MLLT10: variants seen among roughly 807,000 people sequenced by gnomAD.
MLLT10 encodes protein AF-10.
Under a neutral mutation model 129.1 loss-of-function variants are expected in MLLT10, and 30 were observed. That is an observed-to-expected ratio of 0.23 (90% confidence interval 0.17 to 0.32). The LOEUF (loss-of-function observed/expected upper bound fraction) is 0.32, where lower values mean the gene tolerates loss of function less well. Among genes scored for constraint, MLLT10 ranks in the 10% least tolerant of loss-of-function variants. The pLI is 1.00. For synonymous variants in MLLT10, 490 were observed against 446.4 expected (o/e 1.10, Z -1.23); for missense variants, 1,119 against 1,268.3 (o/e 0.88, Z 1.79).
At chr10:21,704,355 C>A (rs866235896) in intron 13 of MLLT10, among the ~76,000 whole-genome samples, 52 of 70,422 alleles carry the variant, frequency 7.4e-4, no homozygotes, top group African/African-American at 1.8e-3. Context: ...CTCTCTCTCT[C>A]TCTATATATA....
intron 9 of MLLT10, among the ~76,000 whole-genome samples, chr10:21,653,107 A>G (rs2049212643): frequency 6.6e-6 from 1 of 152,190 alleles, no homozygotes; most frequent in Non-Finnish European, 1.5e-5. Flanking sequence ...TTACTACAGT[A>G]TACCAGTTTA....
chr10:21,627,795 T>C (rs2046601569), intron 8 of MLLT10, among the ~76,000 whole-genome samples: 1 of 152,114 alleles, frequency 6.6e-6, no homozygotes, highest in Admixed American at 6.5e-5. Context: ...TTTTTTTTGG[T>C]CAACAGTCTT....
rs149104249 is a variant in MLLT10, at chr10:21,611,673, C to T, written c.406-675C>T. ...TTTGAGCTGTGAAAAGTTAATATTG[C>T]GTATTAGTTACTTGCACATGGAAAA... is the stretch of plus-strand genomic sequence containing the variant. On this transcript the variant is annotated intron_variant, in intron 5 of 22. Transcript: ENST00000307729. Among the ~76,000 whole-genome samples, 765 of 152,008 alleles carry T rather than the reference C, an allele frequency of 5.0e-3. 2 individuals are homozygous for T. The highest frequency in any genetic ancestry group is 7.1e-3 in the South Asian group (34 of 4,790).
intron 8 of MLLT10, among the ~76,000 whole-genome samples, chr10:21,643,214 G>T (rs2048184182): frequency 2.0e-5 from 3 of 152,098 alleles, no homozygotes; most frequent in Non-Finnish European, 2.9e-5. Context: ...AGTATTTTTA[G>T]TAGAGATGGG....
intron 5 of MLLT10, among the ~76,000 whole-genome samples, chr10:21,600,637 T>C (rs1269677774): frequency 6.6e-6 from 1 of 152,234 alleles, no homozygotes; most frequent in Non-Finnish European, 1.5e-5. Flanking sequence ...CTTGACACTT[T>C]ATACTAGTTA....
chr10:21,665,136 G>C (rs1243854725), intron 9 of MLLT10, among the ~76,000 whole-genome samples: 1 of 151,690 alleles, frequency 6.6e-6, no homozygotes, highest in Non-Finnish European at 1.5e-5. Flanking sequence ...AGTAGAGACG[G>C]GGTTTCACCA....
At chr10:21,558,013 G>A (rs1481806272) in intron 3 of MLLT10, among the ~76,000 whole-genome samples, 3 of 141,124 alleles carry the variant, frequency 2.1e-5, no homozygotes, top group African/African-American at 8.0e-5. Context: ...ACAGTGGTGC[G>A]ATCTGGGCTC....
intron 4 of MLLT10, among the ~76,000 whole-genome samples, chr10:21,587,050 A>G (rs1248006166): frequency 3.3e-5 from 5 of 150,440 alleles, no homozygotes; most frequent in African/African-American, 1.2e-4. Context: ...TGATGTTTCT[A>G]GTGAATGTTA....
At chr10:21,618,924 A>G (rs2045533987) in intron 8 of MLLT10, among the ~76,000 whole-genome samples, 1 of 151,984 alleles carries the variant, frequency 6.6e-6, no homozygotes, top group South Asian at 2.1e-4. Context: ...TAGTAGAGAC[A>G]GGGTTTCACT....
intron 5 of MLLT10, among the ~76,000 whole-genome samples, chr10:21,602,356 A>AT (rs142663738): frequency 0.043 from 6,561 of 151,100 alleles, 457 homozygotes; most frequent in African/African-American, 0.15. Context: ...AAATTTATTT[A>AT]TTTTTTTTTG....
intron 9 of MLLT10, among the ~76,000 whole-genome samples, chr10:21,655,257 T>C (rs1047264204): frequency 4.6e-5 from 7 of 152,080 alleles, no homozygotes; most frequent in African/African-American, 1.7e-4. Flanking sequence ...AAAATAACAG[T>C]AGTGTTGAAG....
chr10:21,572,134 A>G (rs1007032742), intron 3 of MLLT10: 2 of 152,166 alleles, frequency 1.3e-5, no homozygotes, highest in African/African-American at 2.4e-5. Context: ...GCATATGGCT[A>G]TCCAGTTGTT....
chr10:21,689,565 GTATATATATA>G (rs71393919), intron 13 of MLLT10, among the ~76,000 whole-genome samples: 4 of 113,456 alleles, frequency 3.5e-5, no homozygotes, highest in East Asian at 2.7e-4. Flanking sequence ...ATATATATAT[GTATATATATA>G]TATATATATA....
At chr10:21,586,907 T>A (rs1265869055) in intron 4 of MLLT10, among the ~76,000 whole-genome samples, 1 of 151,972 alleles carries the variant, frequency 6.6e-6, no homozygotes, top group African/African-American at 2.4e-5. Context: ...GTATTTTTTT[T>A]AAATGGATAT....
In MLLT10 at chr10:21,713,756, A is replaced by G. The variant is rs201822340; in HGVS notation, c.1700-16A>G. The G allele has an allele frequency of 1.6e-4, 253 of 1,600,024 alleles. No individual in the cohort carries two copies. The highest frequency in any genetic ancestry group is 3.4e-4 in the Middle Eastern group (2 of 5,816). On this transcript the variant is annotated splice_polypyrimidine_tract_variant and intron_variant, in intron 13 of 22. Coordinates refer to ENST00000307729, the MANE Select transcript of MLLT10 (RefSeq NM_001195626.3). ...GACTGCTAAGTTATATTTAAATAAC[A>G]TTTGTTTTTTTGCAGGTATTTATAA...
intron 8 of MLLT10, among the ~76,000 whole-genome samples, chr10:21,628,284 T>A (rs188492172): frequency 7.9e-5 from 12 of 152,312 alleles, no homozygotes; most frequent in Admixed American, 7.2e-4. Context: ...CCCTGAAATA[T>A]ATTGGCTTAA....
intron 13 of MLLT10, among the ~76,000 whole-genome samples, chr10:21,711,140 A>G (rs535231967): frequency 6.6e-6 from 1 of 152,258 alleles, no homozygotes; most frequent in South Asian, 2.1e-4. Context: ...TTAGCTTGAG[A>G]GGCCAGATGT....
chr10:21,564,584 C>T (rs1204667364), intron 3 of MLLT10: 1 of 151,748 alleles, frequency 6.6e-6, no homozygotes, highest in Non-Finnish European at 1.5e-5. Context: ...GCACTAGTAC[C>T]TTTATATGTC....
At chr10:21,616,085 C>G (rs923581645) in intron 7 of MLLT10, among the ~76,000 whole-genome samples, 1 of 151,916 alleles carries the variant, frequency 6.6e-6, no homozygotes, top group Non-Finnish European at 1.5e-5. Flanking sequence ...TATTTTGGTT[C>G]TTGTATACGA....
Sources: allele counts gnomAD v4.1 joint callset (sites outside exome capture counted in the v4.1 genomes callset), GRCh38; gene constraint gnomAD v4.1.1; transcripts MANE v1.5; gene names NCBI Gene and HGNC (gene_info 2026-07-23, HGNC 2026-07-21).